The following MRAP2 variants were observed in gnomAD, a reference collection of about 807,000 sequenced individuals.
MRAP2 encodes melanocortin 2 receptor accessory protein 2.
A neutral mutation model predicts 17.4 loss-of-function variants in MRAP2; 20 were observed. The ratio of observed to expected loss-of-function variants is 1.15; its 90% CI spans 0.81 to 1.67. MRAP2 has a LOEUF of 1.67. MRAP2 is among the 40% of genes most tolerant of loss of function. MRAP2 has a pLI of 0.00. For missense variants in MRAP2, 238 were observed against 240.0 expected (o/e 0.99, Z 0.05); for synonymous variants, 96 against 88.4 (o/e 1.09, Z -0.48).
At chr6:84,130,307 C>T in the MRAP2 span, among the ~76,000 whole-genome samples, 18 of 152,072 alleles carry the variant, frequency 1.2e-4, no homozygotes, top group Non-Finnish European at 2.2e-4. Flanking sequence ...GGGATACTGG[C>T]CTGAAATTTT....
intron 1 of MRAP2, among the ~76,000 whole-genome samples, chr6:84,052,430 G>A (rs2099490675): frequency 6.6e-6 from 1 of 152,190 alleles, no homozygotes; most frequent in African/African-American, 2.4e-5. Flanking sequence ...TTTCAGCAAA[G>A]CTTGGAGAGT....
rs535663739 is a variant in MRAP2 at position 84,064,642 on chromosome 6, C to T, written c.227+1650C>T. Among the ~76,000 whole-genome samples the T allele has an allele frequency of 1.5e-3, 229 of 152,282 alleles. 1 individual carries two copies. In the Middle Eastern group the frequency reaches 0.017, roughly 11 times the overall value. On this transcript the variant is annotated intron_variant, in intron 3 of 3. Coordinates refer to ENST00000257776, the MANE Select transcript of MRAP2 (RefSeq NM_138409.4). ...AGCTGGGACTACAGGCACCCACCAC[C>T]ACGCCCAGCTACTTTTTTGTATTTT...
At chr6:84,040,913 A>G (rs1410927235) in intron 1 of MRAP2, among the ~76,000 whole-genome samples, 2 of 152,264 alleles carry the variant, frequency 1.3e-5, no homozygotes, top group Non-Finnish European at 2.9e-5. Flanking sequence ...CCAGCTGCAG[A>G]AATTTGCATA....
chr6:84,087,643 C>G (rs895054169), intron 3 of MRAP2, among the ~76,000 whole-genome samples: 8 of 152,172 alleles, frequency 5.3e-5, no homozygotes, highest in Non-Finnish European at 1.2e-4. Flanking sequence ...TAAATTTGCA[C>G]TAAAGCATAA....
the MRAP2 span, among the ~76,000 whole-genome samples, chr6:84,116,414 A>T: frequency 6.6e-6 from 1 of 152,142 alleles, no homozygotes; most frequent in Admixed American, 6.5e-5. Context: ...GCTGCCATGT[A>T]AGACATGCCT....
intron 1 of MRAP2, among the ~76,000 whole-genome samples, chr6:84,045,728 A>C (rs1288583813): frequency 6.6e-6 from 1 of 151,942 alleles, no homozygotes; most frequent in Non-Finnish European, 1.5e-5. Context: ...ACGCCACTGC[A>C]CTCCAGCCTG....
Position 84,089,704 on chromosome 6 carries a change from G to A in MRAP2, c.*223G>A. The A allele has an allele frequency of 1.9e-6, 1 of 515,398 alleles. No individual in the cohort carries two copies. The allele number at this position is 515,398 out of a possible 1,614,324, so 31.9% of individuals were successfully genotyped here. On this transcript the variant is annotated 3_prime_UTR_variant, in exon 4 of 4. Transcript: ENST00000257776. ...CTTTTTAATACATTTGGAGCTTTGG[G>A]AGTATTAAAGTATTTACACCAAGCT...
intron 1 of MRAP2, among the ~76,000 whole-genome samples, chr6:84,043,245 T>C (rs949734787): frequency 6.6e-6 from 1 of 152,250 alleles, no homozygotes; most frequent in South Asian, 2.1e-4. Context: ...CGTTTTAGAA[T>C]AGCAGCTATA....
chr6:84,064,104 G>A (rs1238662657), intron 3 of MRAP2, among the ~76,000 whole-genome samples: 2 of 151,526 alleles, frequency 1.3e-5, no homozygotes, highest in Non-Finnish European at 2.9e-5. Flanking sequence ...TATGGACAGG[G>A]AAGAGGGCAA....
chr6:84,054,970 G>T (rs2129164641), intron 1 of MRAP2, among the ~76,000 whole-genome samples: 1 of 152,262 alleles, frequency 6.6e-6, no homozygotes, highest in East Asian at 1.9e-4. Flanking sequence ...TGAGGCTGAA[G>T]CTGTAAGCTC....
chr6:84,109,748 C>T, the MRAP2 span, among the ~76,000 whole-genome samples: 1 of 151,936 alleles, frequency 6.6e-6, no homozygotes, highest in East Asian at 1.9e-4. Flanking sequence ...CTATCCCTCC[C>T]CTAGCCCCCC....
chr6:84,055,830 C>T (rs1435450179), intron 2 of MRAP2, among the ~76,000 whole-genome samples: 1 of 152,180 alleles, frequency 6.6e-6, no homozygotes, highest in Non-Finnish European at 1.5e-5. Flanking sequence ...TGTAACACAG[C>T]AGCATCTTTT....
the MRAP2 span, among the ~76,000 whole-genome samples, chr6:84,129,962 C>T: frequency 2.6e-5 from 4 of 152,170 alleles, no homozygotes; most frequent in Non-Finnish European, 5.9e-5. Context: ...GGGAATGCTT[C>T]CAGTTTTTGC....
the MRAP2 span, among the ~76,000 whole-genome samples, chr6:84,125,472 C>A: frequency 6.6e-6 from 1 of 152,002 alleles, no homozygotes; most frequent in South Asian, 2.1e-4. Flanking sequence ...ATGTTTGTGT[C>A]CCCCTCAAAT....
chr6:84,107,279 A>G, the MRAP2 span, among the ~76,000 whole-genome samples: 867 of 152,272 alleles, frequency 5.7e-3, 11 homozygotes, highest in African/African-American at 0.019. Context: ...TAGGTCCACT[A>G]GGCATTGTGC....
In MRAP2 at chr6:84,036,126, CT is replaced by C. The variant is rs76339606; in HGVS notation, c.-8+2256del. 5.9e-3 allele frequency among the ~76,000 whole-genome samples: 813 copies of C among 138,838 alleles called. 4 individuals are homozygous for C. Among genetic ancestry groups the C allele is most frequent in the African/African-American group, 0.015 (560 of 38,162 alleles). 91.1% of individuals were successfully genotyped at this position (138,838 alleles called of 152,430 possible). On this transcript the variant is annotated intron_variant, in intron 1 of 3. Transcript: ENST00000257776. The stretch of plus-strand genomic sequence containing the variant: ...CTCATTGTGTCATTTTCTGTCTAGT[CT>C]TTTTTTTTTTTTAAATTTTTCTCAT...
the MRAP2 span, among the ~76,000 whole-genome samples, chr6:84,119,109 C>T: frequency 6.6e-6 from 1 of 152,112 alleles, no homozygotes; most frequent in Non-Finnish European, 1.5e-5. Context: ...TGATGTCAGG[C>T]AGTATGATGC....
intron 1 of MRAP2, among the ~76,000 whole-genome samples, chr6:84,040,735 C>A (rs973948758): frequency 6.6e-6 from 1 of 152,164 alleles, no homozygotes; most frequent in African/African-American, 2.4e-5. Flanking sequence ...ACATTTTACC[C>A]TGCCCTAGAG....
downstream of MRAP2, among the ~76,000 whole-genome samples, chr6:84,091,367 T>C (rs906933026): frequency 1.3e-4 from 20 of 150,646 alleles, no homozygotes; most frequent in Admixed American, 6.6e-5. Context: ...TTGCTGGGAC[T>C]ACAGGCACGT....
Sources: gnomAD v4.1 joint callset for allele counts (sites outside exome capture counted in the v4.1 genomes callset) on GRCh38, gnomAD v4.1.1 for gene constraint, MANE v1.5 for transcripts, NCBI Gene and HGNC (gene_info 2026-07-23, HGNC 2026-07-21) for gene names.